DNAH9: variants seen among roughly 807,000 people sequenced by gnomAD.
DNAH9 encodes the protein DNAH9 variant protein.
A neutral mutation model predicts 471.6 loss-of-function variants in DNAH9; 345 were observed. The observed-to-expected ratio is 0.73, with a 90% CI of 0.67 to 0.80. The LOEUF (loss-of-function observed/expected upper bound fraction) is 0.80. DNAH9 is among the 30% of genes least tolerant of loss of function. DNAH9 has a pLI of 0.00. For synonymous variants in DNAH9, 2,093 were observed against 2,123.6 expected (o/e 0.99, Z 0.40); for missense variants, 5,407 against 5,609.2 (o/e 0.96, Z 1.15).
At chr17:11,849,743 G>T (rs1567846446) in intron 49 of DNAH9, among the ~76,000 whole-genome samples, 1 of 152,130 alleles carries the variant, frequency 6.6e-6, no homozygotes, top group Non-Finnish European at 1.5e-5. Flanking sequence ...CCTTGTGTTT[G>T]TTTTTCTCAG....
At position 11,874,962 on chromosome 17, in the gene DNAH9, T is replaced by G. The variant is rs1466129074; in HGVS notation, c.10256T>G (p.Val3419Gly). The change falls in exon 53 of 69, where the codon GTC (valine) becomes GGC (glycine). Residue 3419 changes from valine to glycine, a missense_variant. Val to Gly is a moderately radical substitution (Grantham distance 109). Coordinates refer to ENST00000262442, the MANE Select transcript of DNAH9 (RefSeq NM_001372.4). ...CTTCTTCACCAGACTCCCATTCCAG[T>G]CACCCCAGCCCTGGATCCCCTGAGG... is the stretch of plus-strand genomic sequence containing the variant. ...YLSQLKTPIPVTPALDPLRML... is the reference protein window; with the variant it reads ...YLSQLKTPIPGTPALDPLRML... 3 of 1,613,498 alleles carry G rather than the reference T, an allele frequency of 1.9e-6. No homozygotes were observed. Among genetic ancestry groups the G allele is most frequent in the Non-Finnish European group, 2.5e-6 (3 of 1,179,650 alleles).
intron 38 of DNAH9, among the ~76,000 whole-genome samples, chr17:11,773,455 G>T (rs184658419): frequency 6.8e-6 from 1 of 147,154 alleles, no homozygotes; most frequent in East Asian, 1.9e-4. Context: ...GTGAGAAAAG[G>T]AAGATATAGA....
At chr17:11,750,078 A>G (rs1967085667) in intron 32 of DNAH9, among the ~76,000 whole-genome samples, 1 of 152,194 alleles carries the variant, frequency 6.6e-6, no homozygotes, top group Non-Finnish European at 1.5e-5. Context: ...AAGATATAAT[A>G]ATCACAAGTC....
Position 11,797,776 on chromosome 17 carries a change from G to A in DNAH9, c.8403G>A (p.Glu2801=), listed in dbSNP as rs187502839. The change falls in exon 43 of 69, where the codon GAG becomes GAA. Residue 2801 remains glutamate, a synonymous_variant. Transcript: ENST00000262442. ...VNTVMDLVLF[E]DAMRHVCHIN... is the part of the protein sequence containing the mutation. ...CAGTGATGGACCTAGTTCTCTTTGA[G>A]GATGCCATGCGCCATGTGTAAGTGT... 6.2e-6 allele frequency: 10 copies of A among 1,613,802 alleles called. No individual in the cohort carries two copies. Among genetic ancestry groups the A allele is most frequent in the Non-Finnish European group, 7.6e-6 (9 of 1,179,940 alleles).
chr17:11,630,788 C>T (rs563729701), intron 7 of DNAH9, among the ~76,000 whole-genome samples: 3 of 152,244 alleles, frequency 2.0e-5, no homozygotes, highest in East Asian at 3.9e-4. Context: ...GTTCTCACCA[C>T]GCACACAAAA....
intron 1 of DNAH9, among the ~76,000 whole-genome samples, chr17:11,600,280 T>C (rs1427542208): frequency 6.6e-6 from 1 of 152,198 alleles, no homozygotes; most frequent in Non-Finnish European, 1.5e-5. Flanking sequence ...AGGCCTGTGA[T>C]CTGAGAAGCA....
At chr17:11,929,020 C>A (rs114630600) in intron 62 of DNAH9, among the ~76,000 whole-genome samples, 1,608 of 139,990 alleles carry the variant, frequency 0.011, 30 homozygotes, top group African/African-American at 0.039. Flanking sequence ...CCAAGTGTTA[C>A]AGCCTTTTTT....
chr17:11,666,123 G>A (rs539806283), intron 15 of DNAH9, among the ~76,000 whole-genome samples: 14 of 152,174 alleles, frequency 9.2e-5, no homozygotes, highest in Non-Finnish European at 1.8e-4. Flanking sequence ...AAGCCAATGG[G>A]GCATGGAACA....
chr17:11,610,528 G>A lies in DNAH9; in HGVS notation c.747G>A (p.Lys249=), dbSNP rs1182087848. Residue 249 remains lysine (K), a synonymous_variant, in exon 3 of 69, where the codon AAG becomes AAA. Coordinates refer to ENST00000262442, the MANE Select transcript of DNAH9 (RefSeq NM_001372.4). ...PLLQGENPTP[K]VELEFWKSRY... is the part of the protein sequence containing the mutation. ...TACAAGGGGAGAATCCCACCCCTAA[G>A]GTGGAGTTGGAGTTCTGGAAGAGCA... 6.2e-7 allele frequency: 1 copy of A among 1,612,890 alleles called. No individual in the cohort carries two copies. Among genetic ancestry groups the A allele is most frequent in the Non-Finnish European group, 8.5e-7 (1 of 1,179,952 alleles).
At chr17:11,720,313 T>C (rs2075032841) in intron 27 of DNAH9, among the ~76,000 whole-genome samples, 1 of 152,164 alleles carries the variant, frequency 6.6e-6, no homozygotes. Context: ...GTTTGTTACA[T>C]ATGTATACAT....
intron 45 of DNAH9, among the ~76,000 whole-genome samples, chr17:11,816,797 T>A (rs1246132730): frequency 6.6e-6 from 1 of 152,192 alleles, no homozygotes; most frequent in Non-Finnish European, 1.5e-5. Flanking sequence ...TATTAGAATA[T>A]TTCAATACTA....
rs1292037475 is a variant in DNAH9, at chr17:11,769,126, G to A, written c.7349G>A (p.Cys2450Tyr). 1.2e-6 allele frequency: 2 copies of A among 1,614,092 alleles called. No individual in the cohort carries two copies. The highest frequency in any genetic ancestry group is 1.7e-6 in the Non-Finnish European group (2 of 1,180,030). ...EFDPEMPLQA[C>Y]LVHTSETIRV... ...CTTATTGTGCTCCCATTCCAGGCGT[G>A]TTTGGTGCACACGAGTGAGACCATC... The change falls in exon 38 of 69, where the codon TGT becomes TAT. Residue 2450 changes from cysteine (C) to tyrosine (Y), a missense_variant. Cys to Tyr is a radical substitution (Grantham distance 194). This residue lies in a region of DNAH9 where 4,636 missense variants were observed against 4,900.3 expected (regional missense o/e 0.95). Coordinates refer to ENST00000262442, the MANE Select transcript of DNAH9 (RefSeq NM_001372.4).
At chr17:11,895,909 A>C (rs1250842227) in intron 59 of DNAH9, among the ~76,000 whole-genome samples, 2 of 152,270 alleles carry the variant, frequency 1.3e-5, no homozygotes, top group African/African-American at 4.8e-5. Context: ...TCCCCTTCAA[A>C]GGAGTCATCT....
intron 49 of DNAH9, among the ~76,000 whole-genome samples, chr17:11,840,168 G>A (rs1351047180): frequency 1.3e-5 from 2 of 152,116 alleles, no homozygotes; most frequent in Non-Finnish European, 2.9e-5. Flanking sequence ...AAACATAAAT[G>A]TCCATCGACA....
chr17:11,820,403 T>C (rs1970265907), intron 45 of DNAH9, among the ~76,000 whole-genome samples: 2 of 148,886 alleles, frequency 1.3e-5, no homozygotes. Context: ...TTTTTGCCAA[T>C]CTGATAAAAA....
chr17:11,844,940 T>G (rs1971162689), intron 49 of DNAH9, among the ~76,000 whole-genome samples: 1 of 152,166 alleles, frequency 6.6e-6, no homozygotes, highest in Non-Finnish European at 1.5e-5. Flanking sequence ...GTTGGCCACA[T>G]GAATGTCTTC....
At chr17:11,614,146 A>G (rs1282515321) in intron 4 of DNAH9, among the ~76,000 whole-genome samples, 1 of 152,190 alleles carries the variant, frequency 6.6e-6, no homozygotes, top group Non-Finnish European at 1.5e-5. Flanking sequence ...CTTGGTCAGA[A>G]AATTTGGCAG....
At chr17:11,660,214 G>A (rs758474838) in intron 14 of DNAH9, among the ~76,000 whole-genome samples, 1 of 151,448 alleles carries the variant, frequency 6.6e-6, no homozygotes, top group Non-Finnish European at 1.5e-5. Flanking sequence ...CCTTTCTCTT[G>A]AATATGGGCT....
chr17:11,753,705 G>A (rs755885550), intron 33 of DNAH9, among the ~76,000 whole-genome samples: 1 of 152,208 alleles, frequency 6.6e-6, no homozygotes, highest in Non-Finnish European at 1.5e-5. Context: ...GTAGCTGTTT[G>A]TAAGCTTGTT....
Sources: allele counts gnomAD v4.1 joint callset (sites outside exome capture counted in the v4.1 genomes callset), GRCh38; gene constraint gnomAD v4.1.1; regional missense constraint gnomAD v4.1.1; transcripts MANE v1.5; gene names NCBI Gene and HGNC (gene_info 2026-07-23, HGNC 2026-07-21).